ATG5: variants seen among roughly 807,000 people sequenced by gnomAD.
The protein encoded by ATG5 is autophagy protein 5.
In ATG5, 14 loss-of-function variants were observed where a neutral mutation model predicts 36.5. The observed-to-expected ratio is 0.38, with a 90% CI of 0.25 to 0.60. The LOEUF (loss-of-function observed/expected upper bound fraction) is 0.60, where lower values mean the gene tolerates loss of function less well. Among genes scored for constraint, ATG5 ranks in the 20% least tolerant of loss-of-function variants. The pLI is 0.60. For synonymous variants in ATG5, 95 were observed against 101.5 expected, an observed-to-expected ratio of 0.94 and a Z score of 0.38; for missense variants, 195 against 326.7, an observed-to-expected ratio of 0.60 and a Z score of 3.11.
intron 6 of ATG5, among the ~76,000 whole-genome samples, chr6:106,247,615 T>A (rs953647524): frequency 4.6e-5 from 7 of 152,236 alleles, no homozygotes; most frequent in African/African-American, 9.6e-5. Context: ...GTTCATTAAC[T>A]GATCAATACA....
intron 7 of ATG5, among the ~76,000 whole-genome samples, chr6:106,197,529 G>A (rs540458533): frequency 6.8e-6 from 1 of 146,872 alleles, no homozygotes; most frequent in East Asian, 1.9e-4. Flanking sequence ...GGGTTGGGGT[G>A]GGGGGGGCGG....
At chr6:106,250,273 T>C (rs1193091384) in intron 5 of ATG5, among the ~76,000 whole-genome samples, 22 of 152,208 alleles carry the variant, frequency 1.4e-4, no homozygotes, top group Admixed American at 1.4e-3. Context: ...AAATTTCTTC[T>C]TACACCCCTG....
At chr6:106,241,699 C>T (rs1778129754) in intron 6 of ATG5, among the ~76,000 whole-genome samples, 1 of 152,138 alleles carries the variant, frequency 6.6e-6, no homozygotes. Flanking sequence ...CTCATCTACT[C>T]AGTTGAAGGT....
chr6:106,270,563 T>C (rs1211456041), intron 5 of ATG5, among the ~76,000 whole-genome samples: 1 of 152,202 alleles, frequency 6.6e-6, no homozygotes, highest in Non-Finnish European at 1.5e-5. Flanking sequence ...AAGCTAAAAT[T>C]CCTATACTAA....
At chr6:106,199,966 T>C (rs562176134) in intron 7 of ATG5, among the ~76,000 whole-genome samples, 2 of 152,332 alleles carry the variant, frequency 1.3e-5, no homozygotes, top group East Asian at 3.9e-4. Flanking sequence ...TCTTAAATCC[T>C]GTTCAGTTTT....
chr6:106,220,262 C>A (rs1048614294), intron 6 of ATG5, among the ~76,000 whole-genome samples: 15 of 152,092 alleles, frequency 9.9e-5, no homozygotes, highest in African/African-American at 3.6e-4. Flanking sequence ...TATGTAATAT[C>A]AATATAATCA....
chr6:106,312,268 A>G (rs1770675467), intron 2 of ATG5, among the ~76,000 whole-genome samples: 1 of 152,182 alleles, frequency 6.6e-6, no homozygotes, highest in Non-Finnish European at 1.5e-5. Context: ...GGAAGCACCA[A>G]ACGATGAGTC....
rs559772804 is a variant in ATG5, at chr6:106,258,895, C to T, written c.479-10651G>A. 2.0e-5 allele frequency among the ~76,000 whole-genome samples: 3 copies of T among 152,290 alleles called. No homozygotes were observed. The South Asian group carries it at 6.2e-4, about 32-fold the overall frequency. ...CCTGTAGTATTTAGAGATGACAGAA[C>T]AGCACAGCTAGCAGTAGCTGCTACT... is the stretch of plus-strand genomic sequence containing the variant. On this transcript the variant is annotated intron_variant, in intron 5 of 7. Coordinates refer to ENST00000369076, the MANE Select transcript of ATG5 (RefSeq NM_004849.4).
chr6:106,248,292 T>C, intron 5 of ATG5, 48 bp from the exon 6 acceptor site: 1 of 1,356,036 alleles, frequency 7.4e-7, no homozygotes, highest in Non-Finnish European at 1.1e-6. Flanking sequence ...AACATTATAA[T>C]GGAATACCTC....
At chr6:106,262,167 G>A (rs770120876) in intron 5 of ATG5, among the ~76,000 whole-genome samples, 7 of 152,222 alleles carry the variant, frequency 4.6e-5, no homozygotes, top group Non-Finnish European at 8.8e-5. Flanking sequence ...CCGCCTCCCA[G>A]GTTCAAGTGA....
chr6:106,313,324 G>A (rs899486325), intron 2 of ATG5, among the ~76,000 whole-genome samples: 3 of 152,206 alleles, frequency 2.0e-5, no homozygotes, highest in Non-Finnish European at 2.9e-5. Flanking sequence ...CCTGTTCAGA[G>A]TGAAGGAAGA....
chr6:106,202,027 C>T lies in ATG5; in HGVS notation c.636G>A (p.Leu212=), dbSNP rs533087711. ...LFRPVAADGQ[L]HTLGDLLKEV... Reference sequence around the variant, plus strand: ...CTTTGAGGAGATCTCCTAGTGTGTGCAACTGTCCATCTGCAGCCACAGGAC... The same window carrying T: ...CTTTGAGGAGATCTCCTAGTGTGTGTAACTGTCCATCTGCAGCCACAGGAC... The change falls in exon 7 of 8, where the codon TTG becomes TTA. Residue 212 remains leucine, a synonymous_variant. Transcript: ENST00000369076. 6.2e-7 allele frequency: 1 copy of T among 1,613,968 alleles called. No homozygotes were observed. Among genetic ancestry groups the T allele is most frequent in the East Asian group, 2.2e-5 (1 of 44,862 alleles).
chr6:106,234,802 T>C (rs565034236), intron 6 of ATG5, among the ~76,000 whole-genome samples: 10 of 152,284 alleles, frequency 6.6e-5, no homozygotes, highest in Admixed American at 2.0e-4. Context: ...CTCTACTCAG[T>C]TCTACTACAA....
chr6:106,242,290 C>G (rs906431314), intron 6 of ATG5, among the ~76,000 whole-genome samples: 1 of 151,958 alleles, frequency 6.6e-6, no homozygotes, highest in Non-Finnish European at 1.5e-5. Flanking sequence ...AAAAAAAGGA[C>G]ATTCTGACAC....
intron 6 of ATG5, among the ~76,000 whole-genome samples, chr6:106,220,071 A>T (rs1173061762): frequency 6.6e-6 from 1 of 152,156 alleles, no homozygotes; most frequent in Non-Finnish European, 1.5e-5. Context: ...TTGAAGACAG[A>T]ACATATTCTG....
At chr6:106,322,204 T>C (rs1771107236) in intron 1 of ATG5, among the ~76,000 whole-genome samples, 2 of 151,706 alleles carry the variant, frequency 1.3e-5, no homozygotes, top group African/African-American at 4.9e-5. Flanking sequence ...TGGGACAGAG[T>C]AGGTGCCCAC....
intron 7 of ATG5, among the ~76,000 whole-genome samples, chr6:106,188,300 T>A (rs916829081): frequency 6.6e-6 from 1 of 152,232 alleles, no homozygotes; most frequent in African/African-American, 2.4e-5. Context: ...ATTTCCGGTA[T>A]AATTCTCTTC....
At chr6:106,298,992 C>G (rs927436312) in intron 3 of ATG5, among the ~76,000 whole-genome samples, 1 of 152,150 alleles carries the variant, frequency 6.6e-6, no homozygotes, top group African/African-American at 2.4e-5. Flanking sequence ...CCTTCTAACC[C>G]ACAACACAGA....
intron 4 of ATG5, among the ~76,000 whole-genome samples, chr6:106,292,115 T>C (rs756702202): frequency 3.9e-5 from 6 of 152,160 alleles, no homozygotes; most frequent in Non-Finnish European, 8.8e-5. Flanking sequence ...CCAAGGCAGG[T>C]GGATCACTTG....
Sources: gnomAD v4.1 joint callset for allele counts (sites outside exome capture counted in the v4.1 genomes callset) on GRCh38, gnomAD v4.1.1 for gene constraint, MANE v1.5 for transcripts, NCBI Gene and HGNC (gene_info 2026-07-23, HGNC 2026-07-21) for gene names.